The following GLB1 variants were observed in gnomAD, a reference collection of about 807,000 sequenced individuals.
GLB1 encodes beta-galactosidase.
GLB1 carries 56 observed loss-of-function variants against 74.0 expected under a neutral mutation model. That is an observed-to-expected ratio of 0.76 (90% CI 0.61 to 0.94). The LOEUF (loss-of-function observed/expected upper bound fraction) is 0.94. Among genes scored for constraint, GLB1 ranks in the 40% least tolerant of loss-of-function variants. The pLI is 0.00. For missense variants in GLB1, 787 were observed against 845.5 expected (o/e 0.93, Z 0.86); for synonymous variants, 323 against 323.6 (o/e 1.00, Z 0.02).
At chr3:33,072,947 C>CT (rs1458177344) in intron 1 of GLB1, among the ~76,000 whole-genome samples, 1 of 152,102 alleles carries the variant, frequency 6.6e-6, no homozygotes, top group Non-Finnish European at 1.5e-5. Context: ...TAAGGCTTAG[C>CT]TTCTAGAGGC....
At chr3:33,060,824 T>C (rs898251622) in intron 5 of GLB1, among the ~76,000 whole-genome samples, 3 of 152,102 alleles carry the variant, frequency 2.0e-5, no homozygotes, top group African/African-American at 7.2e-5. Flanking sequence ...TTCCTACCCA[T>C]GGGACTCCAC....
intron 13 of GLB1, among the ~76,000 whole-genome samples, chr3:33,017,265 G>C (rs1697271879): frequency 6.6e-6 from 1 of 152,162 alleles, no homozygotes; most frequent in Non-Finnish European, 1.5e-5. Flanking sequence ...AGAGAAGTTA[G>C]GTGGAGTATT....
chr3:33,036,826 G>A (rs937228709), intron 10 of GLB1, among the ~76,000 whole-genome samples: 10 of 152,152 alleles, frequency 6.6e-5, no homozygotes, highest in African/African-American at 2.2e-4. Flanking sequence ...CAAATTCACA[G>A]AGACAGAAAG....
chr3:32,973,857 G>C, the GLB1 span, among the ~76,000 whole-genome samples: 1 of 152,186 alleles, frequency 6.6e-6, no homozygotes, highest in African/African-American at 2.4e-5. Context: ...TTAGGGAATA[G>C]AAGCAAAGTG....
At chr3:32,978,926 AT>A in the GLB1 span, among the ~76,000 whole-genome samples, 2,880 of 120,640 alleles carry the variant, frequency 0.024, 166 homozygotes, top group East Asian at 0.25. Flanking sequence ...CACCCGGCTA[AT>A]TTTTTTTTTT....
the GLB1 span, among the ~76,000 whole-genome samples, chr3:32,986,073 G>C: frequency 1.2e-3 from 188 of 152,338 alleles, no homozygotes; most frequent in African/African-American, 4.3e-3. Flanking sequence ...GTTATCACTT[G>C]CAAGTGGAGC....
chr3:32,985,383 C>T, the GLB1 span, among the ~76,000 whole-genome samples: 8 of 152,002 alleles, frequency 5.3e-5, no homozygotes, highest in African/African-American at 1.7e-4. Context: ...CTCTGCCTCC[C>T]GGGTTCAAGC....
intron 10 of GLB1, among the ~76,000 whole-genome samples, chr3:33,039,828 G>A (rs1698430419): frequency 6.6e-6 from 1 of 152,000 alleles, no homozygotes; most frequent in African/African-American, 2.4e-5. Flanking sequence ...CATACCATAG[G>A]AAAATTCCTA....
At chr3:33,038,864 G>A (rs4277638) in intron 10 of GLB1, among the ~76,000 whole-genome samples, 43,906 of 152,080 alleles carry the variant, frequency 0.29, 7,989 homozygotes, top group Middle Eastern at 0.46. Context: ...CCTGGTAGAA[G>A]TAAAAGTAAA....
At chr3:32,976,145 G>A in the GLB1 span, among the ~76,000 whole-genome samples, 1 of 152,084 alleles carries the variant, frequency 6.6e-6, no homozygotes, top group Non-Finnish European at 1.5e-5. Flanking sequence ...ATCCTGTCTG[G>A]GCCTCAACCA....
chr3:33,068,227 T>C lies in GLB1; in HGVS notation c.457+3A>G, dbSNP rs781194739. 5 of 1,613,890 alleles carry C rather than the reference T, an allele frequency of 3.1e-6. No homozygotes were observed. The highest frequency in any genetic ancestry group is 2.7e-5 in the African/African-American group (2 of 74,944). On this transcript the variant is annotated splice_donor_region_variant and intron_variant, in intron 4 of 15. Transcript: ENST00000307363. The stretch of plus-strand genomic sequence containing the variant: ...TCTTCTCAAGACATCTGTAACAACC[T>C]ACCTGGGTCGGAGGAGCGGAGAAGA...
In GLB1 at chr3:33,007,910, C is replaced by G. The variant is rs148765998; in HGVS notation, c.1734+6146G>C. ...GGGCCTTCAAGACACGGCTGGGGCT[C>G]AGGTAGATGTGCCACTGAGCACTTC... On this transcript the variant is annotated intron_variant, in intron 15 of 15. Coordinates refer to ENST00000307363, the MANE Select transcript of GLB1 (RefSeq NM_000404.4). 9.5e-4 allele frequency among the ~76,000 whole-genome samples: 145 copies of G among 152,338 alleles called. 1 individual carries two copies. Among genetic ancestry groups the G allele is most frequent in the Admixed American group, 2.5e-3 (39 of 15,302 alleles).
the GLB1 span, among the ~76,000 whole-genome samples, chr3:32,983,468 G>A: frequency 1.3e-5 from 2 of 152,052 alleles, no homozygotes; most frequent in African/African-American, 4.8e-5. Context: ...GCAAATCTAT[G>A]ATGCTTCCTT....
chr3:33,093,828 C>T lies in GLB1; in HGVS notation c.75+3183G>A. On this transcript the variant is annotated intron_variant, in intron 1 of 15. Transcript: ENST00000307363. The surrounding 1 kb of genome is among the most constrained non-coding windows in gnomAD (Gnocchi z 6.0). ...GAAGAAGAGCATGATGATGTAAGCA[C>T]CCAGGCAGGAGTAGGCCGCCAAGGA... 1.2e-6 allele frequency: 2 copies of T among 1,613,522 alleles called. No homozygotes were observed. Among genetic ancestry groups the T allele is most frequent in the Non-Finnish European group, 1.7e-6 (2 of 1,179,754 alleles).
chr3:32,972,957 G>A, the GLB1 span, among the ~76,000 whole-genome samples: 1 of 152,160 alleles, frequency 6.6e-6, no homozygotes, highest in African/African-American at 2.4e-5. Flanking sequence ...TCACTAGACA[G>A]ATAAACTCAA....
In GLB1 at chr3:32,997,052, T is replaced by C; in HGVS notation, c.2027A>G (p.His676Arg). The C allele has an allele frequency of 4.3e-6, 7 of 1,614,164 alleles. No homozygotes were observed. The highest frequency in any genetic ancestry group is 5.9e-6 in the Non-Finnish European group (7 of 1,180,030). Reference protein sequence around the residue: ...PQKNKDSWLDHV With the variant: ...PQKNKDSWLDRV Reference sequence around the variant, plus strand: ...AGACACAGGCTTTCATCATCATACATGGTCCAGCCATGAATCTTTGTTTTT... The same window carrying C: ...AGACACAGGCTTTCATCATCATACACGGTCCAGCCATGAATCTTTGTTTTT... Residue 676 changes from histidine to arginine, a missense_variant, in exon 16 of 16, where the codon CAT (histidine) becomes CGT (arginine). Transcript: ENST00000307363.
At chr3:33,013,650 C>T (rs1447286528) in intron 15 of GLB1, among the ~76,000 whole-genome samples, 8 of 152,106 alleles carry the variant, frequency 5.3e-5, no homozygotes, top group South Asian at 2.1e-4. Context: ...GGGTGTGGGG[C>T]TGGATGCAGG....
intron 12 of GLB1, among the ~76,000 whole-genome samples, chr3:33,020,399 G>A (rs1444048133): frequency 3.3e-5 from 5 of 152,144 alleles, no homozygotes; most frequent in Admixed American, 6.5e-5. Flanking sequence ...TCAAAACATG[G>A]GGCTGAGATC....
the GLB1 span, among the ~76,000 whole-genome samples, chr3:32,970,252 C>T: frequency 6.6e-6 from 1 of 152,146 alleles, no homozygotes; most frequent in East Asian, 1.9e-4. Flanking sequence ...ACTCAAACGG[C>T]TGCTGAAGAA....
Sources: gnomAD v4.1 joint callset for allele counts (sites outside exome capture counted in the v4.1 genomes callset) on GRCh38, gnomAD v4.1.1 for gene constraint, Gnocchi (gnomAD v3.1) non-coding constraint, MANE v1.5 for transcripts, NCBI Gene and HGNC (gene_info 2026-07-23, HGNC 2026-07-21) for gene names.